Variants in SKAP2 observed in about 807,000 individuals in gnomAD.
SKAP2 encodes src kinase-associated phosphoprotein 2.
Under a neutral mutation model 54.9 loss-of-function variants are expected in SKAP2, and 28 were observed. The observed-to-expected ratio is 0.51, with a 90% CI of 0.38 to 0.70. SKAP2 has a LOEUF of 0.70. Ranked by LOEUF, SKAP2 falls within the 30% of genes least tolerant of loss-of-function variation. SKAP2 has a pLI of 0.00. For missense variants in SKAP2, 356 were observed against 424.1 expected (o/e 0.84, Z 1.41); for synonymous variants, 137 against 134.3 (o/e 1.02, Z -0.14).
chr7:26,692,278 T>C (rs1363672139), intron 9 of SKAP2, among the ~76,000 whole-genome samples: 5 of 152,084 alleles, frequency 3.3e-5, no homozygotes, highest in African/African-American at 1.2e-4. Context: ...AAAAGGAGGA[T>C]AGCCAAAATA....
At chr7:26,791,827 T>A (rs115177227) in intron 4 of SKAP2, among the ~76,000 whole-genome samples, 3,998 of 152,276 alleles carry the variant, frequency 0.026, 173 homozygotes, top group African/African-American at 0.091. Context: ...AAAACATGTA[T>A]CATAGGATAC....
chr7:26,666,239 C>A (rs985315744), downstream of SKAP2, among the ~76,000 whole-genome samples: 1 of 152,110 alleles, frequency 6.6e-6, no homozygotes, highest in African/African-American at 2.4e-5. Flanking sequence ...TTTAAAAATT[C>A]TCACAATGCT....
At chr7:26,742,941 A>G (rs1782485007) in intron 4 of SKAP2, among the ~76,000 whole-genome samples, 1 of 152,162 alleles carries the variant, frequency 6.6e-6, no homozygotes, top group African/African-American at 2.4e-5. Context: ...CACTATACCT[A>G]CAACGATTAA....
At chr7:26,735,737 AG>A (rs1787916813) in intron 6 of SKAP2, among the ~76,000 whole-genome samples, 1 of 152,214 alleles carries the variant, frequency 6.6e-6, no homozygotes, top group Non-Finnish European at 1.5e-5. Context: ...ACAGTAAACA[AG>A]GCTATAAAAA....
At chr7:26,805,548 C>T (rs1382925371) in intron 4 of SKAP2, among the ~76,000 whole-genome samples, 1 of 152,062 alleles carries the variant, frequency 6.6e-6, no homozygotes. Context: ...CGGGGGAAGC[C>T]AGCTACAAAG....
At chr7:26,763,833 T>C (rs1782985363) in intron 4 of SKAP2, among the ~76,000 whole-genome samples, 1 of 152,148 alleles carries the variant, frequency 6.6e-6, no homozygotes, top group African/African-American at 2.4e-5. Flanking sequence ...AAACCCCCTA[T>C]AGCATGTTAC....
rs760599051 is a variant in SKAP2 at position 26,690,390 on chromosome 7, T to C, written c.797-28A>G. The C allele has an allele frequency of 4.5e-5, 67 of 1,484,368 alleles. 1 individual carries two copies. The South Asian group carries it at 7.0e-4, about 16-fold the overall frequency. 91.9% of individuals were successfully genotyped at this position (1,484,368 alleles called of 1,614,324 possible). On this transcript the variant is annotated intron_variant, in intron 9 of 12. Coordinates refer to ENST00000345317, the MANE Select transcript of SKAP2 (RefSeq NM_003930.5). ...GTAAATAAACATTATCAATGGCACA[T>C]TGAAGGGTTTTCTCAGGGATAACAC...
Position 26,864,564 on chromosome 7 carries a change from CG to C in SKAP2, c.-136del, listed in dbSNP as rs1326382784. The C allele has an allele frequency of 3.8e-5, 54 of 1,425,134 alleles. No homozygotes were observed. Among genetic ancestry groups the C allele is most frequent in the Non-Finnish European group, 3.6e-5 (39 of 1,089,796 alleles). The allele number at this position is 1,425,134 out of a possible 1,614,324, so 88.3% of individuals were successfully genotyped here. Reference sequence around the variant, plus strand: ...GCGGGGCTACGAGTCGGGACACTGCCGGGCCGGGGCTCACAACAAGGAAGTC... The same window carrying C: ...GCGGGGCTACGAGTCGGGACACTGCCGGCCGGGGCTCACAACAAGGAAGTC... On this transcript the variant is annotated 5_prime_UTR_variant, in exon 1 of 13. Transcript: ENST00000345317.
intron 4 of SKAP2, among the ~76,000 whole-genome samples, chr7:26,826,797 T>A (rs548911558): frequency 6.6e-6 from 1 of 152,210 alleles, no homozygotes; most frequent in Non-Finnish European, 1.5e-5. Context: ...TTATTAATCA[T>A]TTTATTCTCC....
downstream of SKAP2, among the ~76,000 whole-genome samples, chr7:26,666,165 A>G (rs80190012): frequency 0.036 from 5,479 of 152,148 alleles, 332 homozygotes; most frequent in African/African-American, 0.13. Context: ...TGATCTCTAT[A>G]TGGTGTGTGT....
intron 5 of SKAP2, among the ~76,000 whole-genome samples, chr7:26,739,543 AGG>A (rs1782385224): frequency 6.6e-6 from 1 of 152,216 alleles, no homozygotes; most frequent in African/African-American, 2.4e-5. Context: ...GTTTGGGCAT[AGG>A]AGAACCTGCT....
At chr7:26,710,318 T>C (rs1463505318) in intron 9 of SKAP2, among the ~76,000 whole-genome samples, 3 of 152,190 alleles carry the variant, frequency 2.0e-5, no homozygotes, top group East Asian at 3.9e-4. Context: ...ATTTACAGAA[T>C]AGCACATATC....
chr7:26,765,076 A>C lies in SKAP2; in HGVS notation c.308-25112T>G, dbSNP rs188762144. On this transcript the variant is annotated intron_variant, in intron 4 of 12. Transcript: ENST00000345317. The stretch of plus-strand genomic sequence containing the variant: ...CCACACTGTCTTCCACAATGGTTGA[A>C]CTAATTTACACTCCCACCAACAGTA... Among the ~76,000 whole-genome samples the C allele has an allele frequency of 3.2e-3, 480 of 152,312 alleles. 4 individuals are homozygous for C. Among genetic ancestry groups the C allele is most frequent in the Admixed American group, 8.1e-3 (124 of 15,300 alleles).
chr7:26,857,050 T>C (rs1785177720), intron 1 of SKAP2, among the ~76,000 whole-genome samples: 1 of 151,082 alleles, frequency 6.6e-6, no homozygotes, highest in Admixed American at 6.6e-5. Context: ...AAAATACTGA[T>C]CCATGTTACT....
chr7:26,834,643 AG>A (rs567627637), intron 4 of SKAP2, among the ~76,000 whole-genome samples: 108 of 152,358 alleles, frequency 7.1e-4, no homozygotes, highest in African/African-American at 2.6e-3. Context: ...AGGCTAAACC[AG>A]GAAGAAGTCA....
intron 4 of SKAP2, among the ~76,000 whole-genome samples, chr7:26,792,590 T>A (rs1467061668): frequency 6.6e-6 from 1 of 152,140 alleles, no homozygotes; most frequent in Non-Finnish European, 1.5e-5. Context: ...CTATGAAACA[T>A]CAAAATATCT....
intron 5 of SKAP2, among the ~76,000 whole-genome samples, 162 bp downstream of exon 5, chr7:26,739,725 A>C (rs1277611539): frequency 2.0e-5 from 3 of 152,240 alleles, no homozygotes; most frequent in African/African-American, 4.8e-5. Flanking sequence ...TTTAAAGCTA[A>C]GAGCTATATT....
intron 9 of SKAP2, among the ~76,000 whole-genome samples, chr7:26,693,322 A>C (rs1056232062): frequency 1.6e-5 from 2 of 121,846 alleles, no homozygotes; most frequent in African/African-American, 6.5e-5. Flanking sequence ...ACAAGAGTGA[A>C]GCTCCATCTC....
chr7:26,687,832 T>C (rs1406213523), intron 10 of SKAP2, among the ~76,000 whole-genome samples: 3 of 152,168 alleles, frequency 2.0e-5, no homozygotes, highest in Non-Finnish European at 4.4e-5. Flanking sequence ...GCAAATATCA[T>C]AAACATACAT....
Sources: gnomAD v4.1 joint callset for allele counts (sites outside exome capture counted in the v4.1 genomes callset) on GRCh38, gnomAD v4.1.1 for gene constraint, MANE v1.5 for transcripts, NCBI Gene and HGNC (gene_info 2026-07-23, HGNC 2026-07-21) for gene names.